The following EYA1 variants were observed in gnomAD, a reference collection of about 807,000 sequenced individuals.
EYA1 encodes the protein EYA transcriptional coactivator and phosphatase 1.
A neutral mutation model predicts 82.0 loss-of-function variants in EYA1; 16 were observed. The observed-to-expected ratio is 0.20, with a 90% confidence interval of 0.13 to 0.30. The LOEUF (loss-of-function observed/expected upper bound fraction) is 0.30, where lower values mean the gene tolerates loss of function less well. EYA1 is among the 10% of genes least tolerant of loss of function. EYA1 has a pLI of 1.00. For synonymous variants in EYA1, 261 were observed against 264.4 expected (o/e 0.99, Z 0.12); for missense variants, 633 against 730.7 (o/e 0.87, Z 1.54).
At chr8:71,484,192 CA>C (rs1198098902) in intron 2 of EYA1, among the ~76,000 whole-genome samples, 1 of 152,154 alleles carries the variant, frequency 6.6e-6, no homozygotes, top group Non-Finnish European at 1.5e-5. Flanking sequence ...ATGCTTGTGT[CA>C]GGGGGGTTTT....
intron 11 of EYA1, among the ~76,000 whole-genome samples, chr8:71,267,673 T>C (rs1002955360): frequency 1.1e-4 from 16 of 152,144 alleles, no homozygotes; most frequent in Non-Finnish European, 1.9e-4. Context: ...CTCAGCTTCC[T>C]GAGTAGCTGG....
At chr8:71,359,737 T>G (rs1027342329) in intron 1 of EYA1, among the ~76,000 whole-genome samples, 2 of 152,106 alleles carry the variant, frequency 1.3e-5, no homozygotes, top group African/African-American at 4.8e-5. Context: ...AATTTAAAAC[T>G]TTTTTTTCAA....
chr8:71,540,501 CAGAG>C (rs1402779460), intron 1 of EYA1, among the ~76,000 whole-genome samples: 4 of 151,556 alleles, frequency 2.6e-5, no homozygotes, highest in Non-Finnish European at 5.9e-5. Flanking sequence ...ATGAAGCAGA[CAGAG>C]AAAGGGTCAA....
chr8:71,215,240 C>T, intron 16 of EYA1, 147 bp downstream of exon 16: 1 of 768,350 alleles, frequency 1.3e-6, no homozygotes, highest in Non-Finnish European at 2.1e-6. Flanking sequence ...ACGTCTAAAT[C>T]CAGTTTTGCA....
intron 17 of EYA1, among the ~76,000 whole-genome samples, chr8:71,199,808 CTTAG>C (rs558812192): frequency 5.3e-5 from 8 of 152,170 alleles, no homozygotes; most frequent in African/African-American, 1.7e-4. Flanking sequence ...AGCAGTTTTC[CTTAG>C]TTAGTAGTAG....
chr8:71,228,109 T>G (rs1810774316), intron 12 of EYA1, among the ~76,000 whole-genome samples: 1 of 152,154 alleles, frequency 6.6e-6, no homozygotes, highest in African/African-American at 2.4e-5. Context: ...CATAGGCACT[T>G]TTTAAAAAGC....
chr8:71,438,954 G>A (rs1806204102), intron 2 of EYA1, among the ~76,000 whole-genome samples: 1 of 152,042 alleles, frequency 6.6e-6, no homozygotes, highest in Admixed American at 6.5e-5. Context: ...ATTGGCCAGA[G>A]CAGGCAGCAA....
Position 71,433,048 on chromosome 8 carries a change from A to G in EYA1, c.34-76537T>C, listed in dbSNP as rs754113141. On this transcript the variant is annotated intron_variant, in intron 2 of 18. Coordinates refer to the EYA1 transcript ENST00000643681. ...ATGTGAAACAAAGGTTTAAAGAGAC[A>G]CAGGCTACTACTAGGATGCCTCAGC... Among the ~76,000 whole-genome samples the G allele has an allele frequency of 4.3e-4, 66 of 152,234 alleles. 2 individuals carry two copies. Among genetic ancestry groups the G allele is most frequent in the Non-Finnish European group, 1.8e-4 (12 of 68,034 alleles).
At chr8:71,538,299 A>G (rs1563717048) in intron 1 of EYA1, among the ~76,000 whole-genome samples, 1 of 152,198 alleles carries the variant, frequency 6.6e-6, no homozygotes. Flanking sequence ...CTGTAGCTCC[A>G]AGAGAGACAG....
intron 2 of EYA1, among the ~76,000 whole-genome samples, chr8:71,480,216 C>T (rs1025198008): frequency 3.9e-5 from 6 of 152,180 alleles, no homozygotes; most frequent in African/African-American, 1.4e-4. Context: ...GCTAAGAAAA[C>T]TCAAGACCAT....
intron 1 of EYA1, chr8:71,535,919 T>G: frequency 4.4e-6 from 2 of 455,896 alleles, no homozygotes; most frequent in South Asian, 1.1e-4. Context: ...CCTTCACATC[T>G]GCAGCTTTCC....
In EYA1 at chr8:71,198,197, C is replaced by G. The variant is rs1450777879; in HGVS notation, c.*1143G>C. The G allele has an allele frequency of 6.6e-6, 1 of 152,576 alleles. No homozygotes were observed. The highest frequency in any genetic ancestry group is 1.5e-5 in the Non-Finnish European group (1 of 68,032). The allele number at this position is 152,576 out of a possible 1,614,324, so 9.5% of individuals were successfully genotyped here. A position where few individuals can be genotyped will look rare whatever the true frequency, so the allele number is the denominator to read the frequency against. On this transcript the variant is annotated 3_prime_UTR_variant, in exon 18 of 18. Transcript: ENST00000340726. ...ATTAATAAAATATATCTACTATCAT[C>G]TATATTCTTTGTGGGAAGAAGCATT...
chr8:71,328,583 A>T (rs1823434703), intron 4 of EYA1, among the ~76,000 whole-genome samples: 1 of 152,146 alleles, frequency 6.6e-6, no homozygotes, highest in Admixed American at 6.5e-5. Flanking sequence ...GCTCTTTCAG[A>T]TTCCAGATGT....
chr8:71,421,686 C>T (rs189573531), intron 2 of EYA1, among the ~76,000 whole-genome samples: 1 of 152,316 alleles, frequency 6.6e-6, no homozygotes, highest in Non-Finnish European at 1.5e-5. Flanking sequence ...CCATAGGTTA[C>T]ATAAATACAG....
chr8:71,334,594 A>G (rs1824273305), intron 3 of EYA1, among the ~76,000 whole-genome samples: 1 of 152,152 alleles, frequency 6.6e-6, no homozygotes, highest in Admixed American at 6.6e-5. Context: ...GTGGGTGTCG[A>G]CACCAGCAGG....
chr8:71,477,331 T>C lies in EYA1; in HGVS notation c.33+58413A>G, dbSNP rs558888058. Among the ~76,000 whole-genome samples, 3 of 152,256 alleles carry C rather than the reference T, an allele frequency of 2.0e-5. No homozygotes were observed. The East Asian group carries it at 5.8e-4, about 29-fold the overall frequency. On this transcript the variant is annotated intron_variant, in intron 2 of 18. Coordinates refer to the EYA1 transcript ENST00000643681. ...GCACATCATTTCTCTGATAAGGACT[T>C]ATAGCAAGACTGTGTAAAGAACTCT...
intron 15 of EYA1, 50 bp from the exon 16 acceptor site, chr8:71,215,558 A>C (rs1809078260): frequency 6.2e-7 from 1 of 1,611,552 alleles, no homozygotes; most frequent in Admixed American, 1.7e-5. Context: ...AATCTCCAAA[A>C]TGAACAAGCA....
At chr8:71,204,830 G>GTTGC (rs1807545449) in intron 17 of EYA1, among the ~76,000 whole-genome samples, 1 of 152,144 alleles carries the variant, frequency 6.6e-6, no homozygotes, top group African/African-American at 2.4e-5. Flanking sequence ...ATTGTGCAAC[G>GTTGC]TTGCTCTTTT....
In EYA1 at chr8:71,371,878, G is replaced by T. The variant is rs370774256; in HGVS notation, c.34-15367C>A. Among the ~76,000 whole-genome samples, 52 of 152,070 alleles carry T rather than the reference G, an allele frequency of 3.4e-4. No individual in the cohort carries two copies. In the South Asian group the frequency reaches 0.011, roughly 31 times the overall value. ...CACAGGAAAATAAAACTCAATACGG[G>T]TTGAAAAATAAAACTGTTGAAATCT... On this transcript the variant is annotated intron_variant, in intron 2 of 18. Coordinates refer to the EYA1 transcript ENST00000643681.
Sources: allele counts gnomAD v4.1 joint callset (sites outside exome capture counted in the v4.1 genomes callset), GRCh38; gene constraint gnomAD v4.1.1; transcripts MANE v1.5; gene names NCBI Gene and HGNC (gene_info 2026-07-23, HGNC 2026-07-21).